Variants in SLC5A4 observed in about 807,000 individuals in gnomAD.
SLC5A4 encodes solute carrier family 5 member 4, also known as probable glucose sensor protein SLC5A4.
A neutral mutation model predicts 70.3 loss-of-function variants in SLC5A4; 55 were observed. The observed-to-expected ratio is 0.78, with a 90% CI of 0.63 to 0.98. The LOEUF (loss-of-function observed/expected upper bound fraction) is 0.98, where lower values mean the gene tolerates loss of function less well. SLC5A4 is among the 50% of genes least tolerant of loss of function. The pLI is 0.00. For missense variants in SLC5A4, 735 were observed against 839.2 expected (o/e 0.88, Z 1.53); for synonymous variants, 268 against 305.7 (o/e 0.88, Z 1.29).
the SLC5A4 span, among the ~76,000 whole-genome samples, chr22:32,319,667 G>A: frequency 1.3e-5 from 2 of 152,186 alleles, no homozygotes; most frequent in Non-Finnish European, 1.5e-5. Flanking sequence ...GCATGCTCCT[G>A]TCTCTTCTCC....
chr22:32,308,941 C>T, the SLC5A4 span, among the ~76,000 whole-genome samples: 1 of 152,188 alleles, frequency 6.6e-6, no homozygotes, highest in Non-Finnish European at 1.5e-5. Flanking sequence ...TTCCTTCCTT[C>T]CTTCTTACCT....
chr22:32,331,446 C>T, the SLC5A4 span, among the ~76,000 whole-genome samples: 2 of 152,228 alleles, frequency 1.3e-5, no homozygotes, highest in East Asian at 1.9e-4. Flanking sequence ...CAGGAAATAC[C>T]AAAATAAAGA....
chr22:32,333,607 G>A, the SLC5A4 span, among the ~76,000 whole-genome samples: 12 of 151,996 alleles, frequency 7.9e-5, no homozygotes, highest in South Asian at 2.1e-4. Flanking sequence ...TTGCATCTCC[G>A]TGCTTCCTTC....
chr22:32,308,839 T>G, the SLC5A4 span, among the ~76,000 whole-genome samples: 25 of 152,036 alleles, frequency 1.6e-4, no homozygotes, highest in Non-Finnish European at 3.1e-4. Context: ...TGTGCACCCA[T>G]GTATGCATAT....
At chr22:32,346,937 A>G in the SLC5A4 span, among the ~76,000 whole-genome samples, 4 of 151,654 alleles carry the variant, frequency 2.6e-5, no homozygotes, top group African/African-American at 7.3e-5. Context: ...ATGGGAGAAA[A>G]TTTTCGCAAC....
chr22:32,335,448 G>C, the SLC5A4 span, among the ~76,000 whole-genome samples: 4 of 152,216 alleles, frequency 2.6e-5, no homozygotes, highest in Non-Finnish European at 5.9e-5. Context: ...CACACACAGA[G>C]TGGACAGAGA....
At chr22:32,232,823 G>A in intron 9 of SLC5A4, 76 bp downstream of exon 9, 1 of 1,500,412 alleles carries the variant, frequency 6.7e-7, no homozygotes, top group Non-Finnish European at 9.0e-7. Context: ...ATTTTCTCAA[G>A]GTTTTATGAC....
At chr22:32,248,936 A>T (rs1270101223) in intron 3 of SLC5A4, 134 bp from the exon 4 acceptor site, 1 of 627,822 alleles carries the variant, frequency 1.6e-6, no homozygotes, top group Non-Finnish European at 2.9e-6. Flanking sequence ...AACAACTATA[A>T]TCCCAAGACA....
chr22:32,329,213 G>A, the SLC5A4 span, among the ~76,000 whole-genome samples: 3 of 152,148 alleles, frequency 2.0e-5, no homozygotes, highest in Admixed American at 6.5e-5. Context: ...GTGTGCACCT[G>A]GCAGAGAGGA....
At chr22:32,252,712 A>G (rs2145704920) in intron 2 of SLC5A4, among the ~76,000 whole-genome samples, 1 of 152,228 alleles carries the variant, frequency 6.6e-6, no homozygotes, top group East Asian at 1.9e-4. Context: ...CAGATCTCCC[A>G]TCAGCTCTTC....
the SLC5A4 span, among the ~76,000 whole-genome samples, chr22:32,289,093 T>C: frequency 6.6e-6 from 1 of 152,164 alleles, no homozygotes; most frequent in Non-Finnish European, 1.5e-5. Context: ...GTAAGATTTT[T>C]CTGTAATTTT....
the SLC5A4 span, among the ~76,000 whole-genome samples, chr22:32,307,638 C>T: frequency 1.5e-4 from 23 of 152,140 alleles, no homozygotes; most frequent in Non-Finnish European, 2.8e-4. Context: ...GTCACAACCC[C>T]CAAAGTTGTT....
chr22:32,300,640 G>A, the SLC5A4 span, among the ~76,000 whole-genome samples: 1 of 152,048 alleles, frequency 6.6e-6, no homozygotes, highest in Admixed American at 6.6e-5. Flanking sequence ...CACGCTGGGA[G>A]CTGTAGACCG....
chr22:32,301,165 C>T, the SLC5A4 span, among the ~76,000 whole-genome samples: 1 of 152,078 alleles, frequency 6.6e-6, no homozygotes, highest in Non-Finnish European at 1.5e-5. Flanking sequence ...GTTTCACCAT[C>T]TTGACCAGTC....
chr22:32,273,957 G>C, the SLC5A4 span, among the ~76,000 whole-genome samples: 4 of 151,974 alleles, frequency 2.6e-5, no homozygotes, highest in Non-Finnish European at 2.9e-5. Context: ...GATACTACAC[G>C]CATGAGAAAA....
chr22:32,247,565 G>T, intron 4 of SLC5A4, 50 bp from the exon 5 acceptor site: 3 of 1,179,114 alleles, frequency 2.5e-6, no homozygotes, highest in South Asian at 1.2e-5. Flanking sequence ...AGGGCCCTGT[G>T]CGTTCAGATT....
the SLC5A4 span, among the ~76,000 whole-genome samples, chr22:32,318,738 T>C: frequency 3.3e-5 from 5 of 152,322 alleles, no homozygotes; most frequent in East Asian, 9.6e-4. Flanking sequence ...AGTCCAATTA[T>C]GCCACCCCTT....
chr22:32,273,605 T>G, the SLC5A4 span: 1 of 152,330 alleles, frequency 6.6e-6, no homozygotes, highest in African/African-American at 2.4e-5. Context: ...TATAAAATCT[T>G]TGAAAACCAA....
the SLC5A4 span, among the ~76,000 whole-genome samples, chr22:32,292,566 C>T: frequency 6.6e-6 from 1 of 150,822 alleles, no homozygotes; most frequent in Non-Finnish European, 1.5e-5. Flanking sequence ...CTTGGACTTC[C>T]CAGACTTCAG....
Sources: allele counts gnomAD v4.1 joint callset (sites outside exome capture counted in the v4.1 genomes callset), GRCh38; gene constraint gnomAD v4.1.1; transcripts MANE v1.5; gene names NCBI Gene and HGNC (gene_info 2026-07-23, HGNC 2026-07-21).